The following GPR39 variants were observed in gnomAD, a reference collection of about 807,000 sequenced individuals.
GPR39 encodes G protein-coupled receptor 39.
A neutral mutation model predicts 18.4 loss-of-function variants in GPR39; 23 were observed. The ratio of observed to expected loss-of-function variants is 1.25; its 90% confidence interval spans 0.90 to 1.77. The LOEUF (loss-of-function observed/expected upper bound fraction) is 1.77. GPR39 is among the 40% of genes most tolerant of loss of function. The pLI, the probability that GPR39 is intolerant of heterozygous loss-of-function variation, is 0.00. For missense variants in GPR39, 647 were observed against 602.4 expected (o/e 1.07, Z -0.78); for synonymous variants, 280 against 257.9 (o/e 1.09, Z -0.82).
At chr2:132,505,390 A>C (rs190128960) in intron 1 of GPR39, among the ~76,000 whole-genome samples, 3 of 152,222 alleles carry the variant, frequency 2.0e-5, no homozygotes, top group Non-Finnish European at 4.4e-5. Flanking sequence ...TATCACTTCT[A>C]TGTATTGCAA....
intron 1 of GPR39, among the ~76,000 whole-genome samples, chr2:132,490,173 G>A (rs537687060): frequency 7.9e-5 from 12 of 152,036 alleles, no homozygotes; most frequent in Non-Finnish European, 1.0e-4. Flanking sequence ...AAGGAGAGGA[G>A]AGAGAGAAAT....
At chr2:132,463,497 A>G (rs2104778444) in intron 1 of GPR39, among the ~76,000 whole-genome samples, 1 of 151,824 alleles carries the variant, frequency 6.6e-6, no homozygotes, top group East Asian at 1.9e-4. Context: ...CCTCCTGTCA[A>G]GAAAGGTCCT....
At chr2:132,501,071 T>G (rs1679028217) in intron 1 of GPR39, among the ~76,000 whole-genome samples, 2 of 145,086 alleles carry the variant, frequency 1.4e-5, no homozygotes, top group African/African-American at 5.5e-5. Flanking sequence ...TTTTTTTTTT[T>G]TTGGTTTCAG....
intron 1 of GPR39, among the ~76,000 whole-genome samples, chr2:132,591,236 C>T (rs1304067844): frequency 2.5e-5 from 3 of 118,014 alleles, no homozygotes; most frequent in East Asian, 3.0e-4. Flanking sequence ...CCGGCCTGGG[C>T]GACAGAGCGA....
chr2:132,421,142 T>A (rs1680000953), intron 1 of GPR39, among the ~76,000 whole-genome samples: 2 of 152,202 alleles, frequency 1.3e-5, no homozygotes, highest in African/African-American at 4.8e-5. Context: ...ATGATGAGGA[T>A]GTGTAAAATG....
At chr2:132,625,898 G>A (rs994141467) in intron 1 of GPR39, among the ~76,000 whole-genome samples, 15 of 152,050 alleles carry the variant, frequency 9.9e-5, no homozygotes, top group African/African-American at 3.4e-4. Flanking sequence ...TTGGGAGATC[G>A]AGACCATCCT....
In GPR39 at chr2:132,417,865, A is replaced by C. The variant is rs1400149358; in HGVS notation, c.823A>C (p.Arg275=). 2 of 1,602,236 alleles carry C rather than the reference A, an allele frequency of 1.2e-6. No homozygotes were observed. The highest frequency in any genetic ancestry group is 2.2e-5 in the South Asian group (2 of 90,674). The change falls in exon 1 of 2, where the codon AGG becomes CGG. Residue 275 remains arginine (R), a synonymous_variant. Coordinates refer to ENST00000329321, the MANE Select transcript of GPR39 (RefSeq NM_001508.3). ...GAGGAAGTCCGAGAGCGAAGAGAGC[A>C]GGACCGCCAGGAGGCAGACCATCAT... ...QLRKSESEES[R]TARRQTIIFL...
chr2:132,490,139 C>T (rs1284824393), intron 1 of GPR39, among the ~76,000 whole-genome samples: 2 of 151,846 alleles, frequency 1.3e-5, no homozygotes, highest in Non-Finnish European at 2.9e-5. Context: ...TTGAAAGAGC[C>T]AGAGAAATTC....
At chr2:132,569,660 G>C (rs1387323224) in intron 1 of GPR39, among the ~76,000 whole-genome samples, 4 of 151,942 alleles carry the variant, frequency 2.6e-5, no homozygotes, top group African/African-American at 9.7e-5. Flanking sequence ...GTTCCCTAGA[G>C]CTGGCTGTCA....
At chr2:132,435,082 A>G (rs116663080) in intron 1 of GPR39, among the ~76,000 whole-genome samples, 206 of 152,342 alleles carry the variant, frequency 1.4e-3, no homozygotes, top group African/African-American at 4.6e-3. Context: ...GGATCATTCT[A>G]TGATACAGAC....
intron 1 of GPR39, among the ~76,000 whole-genome samples, chr2:132,537,307 TG>T (rs1448631961): frequency 6.6e-6 from 1 of 152,188 alleles, no homozygotes; most frequent in Admixed American, 6.5e-5. Context: ...GAAAGGATTT[TG>T]TTTCTCCTTC....
intron 1 of GPR39, among the ~76,000 whole-genome samples, chr2:132,484,003 C>T (rs557806566): frequency 3.3e-4 from 51 of 152,260 alleles, no homozygotes; most frequent in African/African-American, 1.1e-3. Flanking sequence ...GGAATGTCTC[C>T]ACTCCACCCA....
rs936018990 is a variant in GPR39 at position 132,562,155 on chromosome 2, A to AT, written c.857-82935dup. ...TTCTGAGGGTGAGGCCCAGGCATCCATTTTTTTTTTTAAGGCTCTCCATAT... is the reference window on the plus strand; with the variant it reads ...TTCTGAGGGTGAGGCCCAGGCATCCATTTTTTTTTTTTAAGGCTCTCCATAT... On this transcript the variant is annotated intron_variant, in intron 1 of 1. Coordinates refer to ENST00000329321, the MANE Select transcript of GPR39 (RefSeq NM_001508.3). Among the ~76,000 whole-genome samples the AT allele has an allele frequency of 1.9e-3, 272 of 146,764 alleles. 5 individuals carry two copies. In the East Asian group the frequency reaches 0.039, roughly 21 times the overall value.
At chr2:132,540,850 C>T (rs1478117013) in intron 1 of GPR39, among the ~76,000 whole-genome samples, 3 of 152,114 alleles carry the variant, frequency 2.0e-5, no homozygotes, top group African/African-American at 7.2e-5. Context: ...TGGATTCTGT[C>T]CTCCAGATGA....
intron 1 of GPR39, among the ~76,000 whole-genome samples, chr2:132,586,370 C>T (rs557466392): frequency 6.6e-6 from 1 of 152,126 alleles, no homozygotes; most frequent in Non-Finnish European, 1.5e-5. Flanking sequence ...TGGTGACAGG[C>T]GCGCTCCAGC....
intron 1 of GPR39, among the ~76,000 whole-genome samples, chr2:132,449,729 T>C (rs563141509): frequency 2.6e-5 from 4 of 152,082 alleles, no homozygotes; most frequent in Admixed American, 1.3e-4. Context: ...CTGATCCTTT[T>C]TTTTAAGAGC....
At chr2:132,521,357 A>G (rs1361125999) in intron 1 of GPR39, among the ~76,000 whole-genome samples, 1 of 152,160 alleles carries the variant, frequency 6.6e-6, no homozygotes. Flanking sequence ...TCTTCCTGAG[A>G]GTTTGAATTT....
chr2:132,527,054 T>C (rs1176507019), intron 1 of GPR39, among the ~76,000 whole-genome samples: 2 of 152,210 alleles, frequency 1.3e-5, no homozygotes, highest in East Asian at 3.9e-4. Flanking sequence ...ATCTAGGTTT[T>C]AAGCCCCGCA....
At chr2:132,497,752 CA>C (rs1681674986) in intron 1 of GPR39, among the ~76,000 whole-genome samples, 1 of 152,166 alleles carries the variant, frequency 6.6e-6, no homozygotes, top group African/African-American at 2.4e-5. Flanking sequence ...GCAGCTCAAA[CA>C]AATCTTAGCC....
Sources: allele counts gnomAD v4.1 joint callset (sites outside exome capture counted in the v4.1 genomes callset), GRCh38; gene constraint gnomAD v4.1.1; transcripts MANE v1.5; gene names NCBI Gene and HGNC (gene_info 2026-07-23, HGNC 2026-07-21).